ABR: variants seen among roughly 807,000 people sequenced by gnomAD.
The protein encoded by ABR is ABR activator of RhoGEF and GTPase.
Under a neutral mutation model 107.2 loss-of-function variants are expected in ABR, and 35 were observed. The observed-to-expected ratio is 0.33, with a 90% CI of 0.25 to 0.43. ABR has a LOEUF of 0.43. Among genes scored for constraint, ABR ranks in the 20% least tolerant of loss-of-function variants. The probability of loss-of-function intolerance (pLI) is 1.00; values close to 1 mark genes in which losing one functional copy is unlikely to be tolerated. For synonymous variants in ABR, 498 were observed against 462.0 expected (o/e 1.08, Z -1.00); for missense variants, 815 against 1,115.2 (o/e 0.73, Z 3.83).
intron 12 of ABR, among the ~76,000 whole-genome samples, chr17:1,057,362 G>C (rs1481192410): frequency 9.1e-6 from 1 of 110,178 alleles, no homozygotes; most frequent in Non-Finnish European, 2.0e-5. Flanking sequence ...GTGTGTGTGT[G>C]TGTGGTGTAT....
chr17:1,142,180 C>G (rs544365746), intron 1 of ABR, among the ~76,000 whole-genome samples: 15 of 152,242 alleles, frequency 9.9e-5, no homozygotes, highest in African/African-American at 3.6e-4. Context: ...ATGGAATGGC[C>G]TGGGCATCAG....
chr17:1,074,035 C>G (rs371479446), intron 6 of ABR, among the ~76,000 whole-genome samples: 1 of 150,800 alleles, frequency 6.6e-6, no homozygotes, highest in African/African-American at 2.4e-5. Flanking sequence ...CACAGCTCCA[C>G]CCAGCCACGC....
rs1166352933 is a variant in ABR at position 1,051,287 on chromosome 17, T to C, written c.1562-653A>G. On this transcript the variant is annotated intron_variant, in intron 14 of 22. Coordinates refer to ENST00000302538, the MANE Select transcript of ABR (RefSeq NM_021962.5). This position sits in a 1 kb window ranked among gnomAD's most constrained non-coding sequence, Gnocchi z 4.3. ...CTCTCCCCCCACGACGTAAACACCA[T>C]GTGGAGAGAAGCCTGGGTTTTCCTG... Among the ~76,000 whole-genome samples the C allele has an allele frequency of 6.6e-6, 1 of 152,130 alleles. No homozygotes were observed. Among genetic ancestry groups the C allele is most frequent in the Non-Finnish European group, 1.5e-5 (1 of 68,000 alleles).
Position 1,113,303 on chromosome 17 carries a change from T to TTC in ABR, c.246+11879_246+11880insGA, listed in dbSNP as rs1197152622. ...ATTTTTTTTTTTTTTTTTTTTTTTT[T>TTC]TGAGACGGAGTCTCGCTCTGTCACC... On this transcript the variant is annotated intron_variant, in intron 2 of 22. Coordinates refer to ENST00000302538, the MANE Select transcript of ABR (RefSeq NM_021962.5). Among the ~76,000 whole-genome samples the TTC allele has an allele frequency of 1.3e-5, 2 of 148,238 alleles. 1 individual carries two copies. Among genetic ancestry groups the TTC allele is most frequent in the South Asian group, 4.3e-4 (2 of 4,604 alleles).
At chr17:1,106,600 G>T (rs573025601) in intron 2 of ABR, among the ~76,000 whole-genome samples, 14 of 143,530 alleles carry the variant, frequency 9.8e-5, no homozygotes, top group Non-Finnish European at 1.9e-4. Flanking sequence ...CATGATCTTG[G>T]CTCGCTGCAA....
intron 1 of ABR, among the ~76,000 whole-genome samples, chr17:1,186,161 C>G (rs1473277100): frequency 6.6e-6 from 1 of 152,174 alleles, no homozygotes; most frequent in Admixed American, 6.5e-5. Flanking sequence ...TAAGATTCAT[C>G]CTCAGCCCTC....
At chr17:1,076,914 G>A (rs1597701182) in intron 6 of ABR, among the ~76,000 whole-genome samples, 1 of 152,176 alleles carries the variant, frequency 6.6e-6, no homozygotes, top group Admixed American at 6.5e-5. Flanking sequence ...TTCCTGCCCG[G>A]CCTCACCCAC....
intron 16 of ABR, among the ~76,000 whole-genome samples, chr17:1,018,275 C>T (rs1270931272): frequency 3.3e-5 from 5 of 152,198 alleles, no homozygotes; most frequent in South Asian, 2.1e-4. Flanking sequence ...ATCTCCTGAC[C>T]TCGTGATTCG....
upstream of ABR, chr17:1,182,012 A>C (rs577865219): frequency 2.0e-5 from 3 of 152,310 alleles, no homozygotes; most frequent in East Asian, 5.8e-4. Flanking sequence ...CCAAGCTAAA[A>C]TGTGGCAGTT....
At chr17:1,074,115 G>A (rs1031990824) in intron 6 of ABR, among the ~76,000 whole-genome samples, 8 of 148,484 alleles carry the variant, frequency 5.4e-5, no homozygotes, top group Admixed American at 1.3e-4. Context: ...GCCACGCCCC[G>A]AAGAGTCCAG....
At chr17:1,069,468 A>C (rs1213179113) in intron 9 of ABR, among the ~76,000 whole-genome samples, 1 of 152,200 alleles carries the variant, frequency 6.6e-6, no homozygotes, top group Non-Finnish European at 1.5e-5. Flanking sequence ...GTTTGAGATC[A>C]GCCTGGCCAA....
At chr17:1,156,901 ACCT>A (rs1414258980) in intron 1 of ABR, among the ~76,000 whole-genome samples, 4 of 152,094 alleles carry the variant, frequency 2.6e-5, no homozygotes, top group Non-Finnish European at 5.9e-5. Context: ...TCCACCTCCA[ACCT>A]CCTTTTAGCC....
chr17:1,023,886 G>A (rs1008432909), intron 16 of ABR, among the ~76,000 whole-genome samples: 5 of 152,054 alleles, frequency 3.3e-5, no homozygotes, highest in African/African-American at 9.7e-5. Flanking sequence ...TTACCCCGGC[G>A]TGGTGGCACA....
At chr17:1,030,887 G>A (rs147858825) in intron 16 of ABR, among the ~76,000 whole-genome samples, 31 of 152,316 alleles carry the variant, frequency 2.0e-4, no homozygotes, top group Middle Eastern at 6.8e-3. Flanking sequence ...CTTCCTGTGC[G>A]CTGGGCGCTG....
chr17:1,229,673 A>G (rs1275987837), exon 1 of ABR, among the ~76,000 whole-genome samples: 8 of 151,614 alleles, frequency 5.3e-5, no homozygotes, highest in African/African-American at 1.9e-4. Flanking sequence ...GCGGCCCCCG[A>G]AGAGACCAGA....
intron 1 of ABR, among the ~76,000 whole-genome samples, chr17:1,129,550 A>G (rs533551360): frequency 1.3e-5 from 2 of 152,206 alleles, no homozygotes; most frequent in African/African-American, 4.8e-5. Context: ...AAAAACAAAA[A>G]CAAGAACAAA....
Position 1,012,802 on chromosome 17 carries a change from T to C in ABR, c.1852-5A>G. The C allele has an allele frequency of 6.4e-7, 1 of 1,571,456 alleles. No individual in the cohort carries two copies. Among genetic ancestry groups the C allele is most frequent in the Non-Finnish European group, 8.6e-7 (1 of 1,156,088 alleles). ...CATGGAAAATTCCACTTTGATCTGG[T>C]TGGGGGGTGAGGCAGGTAAAGATTC... On this transcript the variant is annotated splice_polypyrimidine_tract_variant and splice_region_variant and intron_variant, in intron 17 of 22. Coordinates refer to ENST00000302538, the MANE Select transcript of ABR (RefSeq NM_021962.5).
At position 1,157,183 on chromosome 17, in the gene ABR, C is replaced by T. The variant is rs975616551; in HGVS notation, c.61+22484G>A. On this transcript the variant is annotated intron_variant, in intron 1 of 22. Coordinates refer to ENST00000302538, the MANE Select transcript of ABR (RefSeq NM_021962.5). The surrounding 1 kb of genome is among the most constrained non-coding windows in gnomAD (Gnocchi z 4.7). ...CTGCTGAGTGGCAAAGCTTGGAACCCGGGCAGTCTGGTCTCAGACACTACC... is the reference window on the plus strand; with the variant it reads ...CTGCTGAGTGGCAAAGCTTGGAACCTGGGCAGTCTGGTCTCAGACACTACC... 3.9e-5 allele frequency among the ~76,000 whole-genome samples: 6 copies of T among 152,082 alleles called. No homozygotes were observed. The highest frequency in any genetic ancestry group is 3.9e-4 in the Admixed American group (6 of 15,266).
chr17:1,083,123 C>CAAAAAAAA (rs71148427), intron 5 of ABR: 1 of 65,598 alleles, frequency 1.5e-5, no homozygotes, highest in Non-Finnish European at 3.0e-5. Context: ...GACTCTGTCT[C>CAAAAAAAA]AAAAAAAAAA....
Sources: gnomAD v4.1 joint callset for allele counts (sites outside exome capture counted in the v4.1 genomes callset) on GRCh38, gnomAD v4.1.1 for gene constraint, Gnocchi (gnomAD v3.1) non-coding constraint, MANE v1.5 for transcripts, NCBI Gene and HGNC (gene_info 2026-07-23, HGNC 2026-07-21) for gene names.